The following DLG2 variants were observed in gnomAD, a reference collection of about 807,000 sequenced individuals.
DLG2 encodes disks large homolog 2.
Under a neutral mutation model 132.5 loss-of-function variants are expected in DLG2, and 45 were observed. That is an observed-to-expected ratio of 0.34 (90% CI 0.27 to 0.44). The LOEUF (loss-of-function observed/expected upper bound fraction) is 0.44. Among genes scored for constraint, DLG2 ranks in the 20% least tolerant of loss-of-function variants. The pLI is 1.00. For synonymous variants in DLG2, 424 were observed against 419.6 expected (o/e 1.01, Z -0.13); for missense variants, 1,045 against 1,196.9 (o/e 0.87, Z 1.87).
intron 19 of DLG2, among the ~76,000 whole-genome samples, chr11:83,628,090 G>A (rs1166863448): frequency 6.6e-6 from 1 of 152,126 alleles, no homozygotes; most frequent in Non-Finnish European, 1.5e-5. Context: ...ATTTGTTTGA[G>A]TTCATTGTAG....
chr11:85,306,792 T>A (rs1243417474), intron 3 of DLG2, among the ~76,000 whole-genome samples: 1 of 152,170 alleles, frequency 6.6e-6, no homozygotes, highest in Non-Finnish European at 1.5e-5. Context: ...CAGGATGGTC[T>A]CAATCTCCTG....
intron 7 of DLG2, among the ~76,000 whole-genome samples, chr11:84,330,629 T>C (rs2098454107): frequency 6.6e-6 from 1 of 152,172 alleles, no homozygotes; most frequent in Non-Finnish European, 1.5e-5. Flanking sequence ...CCTTCATTTC[T>C]CTACATCTTC....
chr11:84,101,938 T>C (rs1373883004), intron 9 of DLG2, among the ~76,000 whole-genome samples: 1 of 152,164 alleles, frequency 6.6e-6, no homozygotes, highest in Non-Finnish European at 1.5e-5. Flanking sequence ...GTCAACTTTA[T>C]TTCCAGCTTC....
intron 6 of DLG2, among the ~76,000 whole-genome samples, chr11:85,077,891 G>A (rs1444056029): frequency 6.6e-6 from 1 of 152,100 alleles, no homozygotes; most frequent in East Asian, 1.9e-4. Flanking sequence ...AAACAGGGTT[G>A]TGCTGTCTAT....
intron 6 of DLG2, among the ~76,000 whole-genome samples, chr11:85,041,292 A>G (rs1373342570): frequency 6.6e-6 from 1 of 151,964 alleles, no homozygotes; most frequent in Non-Finnish European, 1.5e-5. Flanking sequence ...TTTTATTGAC[A>G]CTGGTGAGAA....
chr11:85,526,375 A>ACT lies in DLG2; in HGVS notation c.40+72281_40+72282insAG, dbSNP rs1438377456. 5.1e-3 allele frequency among the ~76,000 whole-genome samples: 774 copies of ACT among 151,946 alleles called. 4 individuals are homozygous for ACT. The highest frequency in any genetic ancestry group is 0.017 in the African/African-American group (720 of 41,476). ...TTCTCATCAGAAAAATGCAAGCCAGAAGACAGTAGTGCAACATCTTTAAAG... is the reference window on the plus strand; with the variant it reads ...TTCTCATCAGAAAAATGCAAGCCAGACTAGACAGTAGTGCAACATCTTTAAAG... On this transcript the variant is annotated intron_variant, in intron 3 of 27. Transcript: ENST00000376104.
At chr11:84,334,150 C>G (rs1453185209) in intron 7 of DLG2, among the ~76,000 whole-genome samples, 1 of 152,132 alleles carries the variant, frequency 6.6e-6, no homozygotes, top group East Asian at 1.9e-4. Flanking sequence ...TCTCAAAAAC[C>G]TTCTTTTATA....
chr11:84,014,732 G>A (rs1176754768), intron 11 of DLG2, among the ~76,000 whole-genome samples: 3 of 152,066 alleles, frequency 2.0e-5, no homozygotes, highest in African/African-American at 7.2e-5. Context: ...CCGCTGTTAT[G>A]AAAGGCATGA....
At chr11:83,693,555 C>T (rs563286127) in intron 18 of DLG2, among the ~76,000 whole-genome samples, 1 of 152,264 alleles carries the variant, frequency 6.6e-6, no homozygotes, top group Admixed American at 6.5e-5. Context: ...GTCCACTTCC[C>T]TTTTGATAAA....
intron 6 of DLG2, among the ~76,000 whole-genome samples, chr11:84,714,571 TTC>T (rs1759833542): frequency 8.7e-6 from 1 of 115,394 alleles, no homozygotes; most frequent in African/African-American, 5.1e-5. Context: ...CTCTTTCTCT[TTC>T]TCTTTCTCTT....
At chr11:84,523,497 C>T (rs1288018514) in intron 7 of DLG2, among the ~76,000 whole-genome samples, 4 of 152,018 alleles carry the variant, frequency 2.6e-5, no homozygotes, top group African/African-American at 7.3e-5. Context: ...TTAATTTTTG[C>T]AGAGTTTGGA....
At chr11:85,008,592 A>G (rs1428715886) in intron 6 of DLG2, among the ~76,000 whole-genome samples, 1 of 152,110 alleles carries the variant, frequency 6.6e-6, no homozygotes, top group Non-Finnish European at 1.5e-5. Flanking sequence ...GTGCACAAAA[A>G]TTTTAAGTAG....
intron 6 of DLG2, among the ~76,000 whole-genome samples, chr11:84,916,867 T>A (rs2092499639): frequency 6.6e-6 from 1 of 152,208 alleles, no homozygotes; most frequent in Non-Finnish European, 1.5e-5. Context: ...GCTCAGGGCC[T>A]TTGCATGTGC....
intron 6 of DLG2, among the ~76,000 whole-genome samples, chr11:84,698,343 A>C (rs2058839740): frequency 6.6e-6 from 1 of 151,542 alleles, no homozygotes; most frequent in Non-Finnish European, 1.5e-5. Context: ...TACAAGTATT[A>C]GTTCATTTCC....
chr11:83,524,911 T>C (rs2095569186), intron 21 of DLG2, among the ~76,000 whole-genome samples: 1 of 152,210 alleles, frequency 6.6e-6, no homozygotes, highest in Non-Finnish European at 1.5e-5. Flanking sequence ...TGTGTGTGTG[T>C]GCACTGTGAA....
intron 6 of DLG2, among the ~76,000 whole-genome samples, chr11:84,656,288 A>G (rs988822079): frequency 2.6e-5 from 4 of 152,114 alleles, no homozygotes; most frequent in Non-Finnish European, 4.4e-5. Flanking sequence ...TATATCCAAC[A>G]TCTGTTCACT....
intron 4 of DLG2, among the ~76,000 whole-genome samples, chr11:85,250,323 C>T (rs1565215235): frequency 6.6e-6 from 1 of 152,140 alleles, no homozygotes; most frequent in Admixed American, 6.5e-5. Flanking sequence ...TGTCTATTTG[C>T]TATGTCACCC....
At chr11:85,288,390 A>G (rs549971021) in intron 3 of DLG2, among the ~76,000 whole-genome samples, 34 of 152,084 alleles carry the variant, frequency 2.2e-4, no homozygotes, top group Non-Finnish European at 3.7e-4. Flanking sequence ...TTAATAACAT[A>G]CGGGCTGGTA....
chr11:84,148,566 C>T (rs1048199432), intron 9 of DLG2, among the ~76,000 whole-genome samples: 1 of 152,084 alleles, frequency 6.6e-6, no homozygotes, highest in South Asian at 2.1e-4. Flanking sequence ...TTTTTTATGG[C>T]TGTGTAGTAT....
Sources: gnomAD v4.1 joint callset for allele counts (sites outside exome capture counted in the v4.1 genomes callset) on GRCh38, gnomAD v4.1.1 for gene constraint, MANE v1.5 for transcripts, NCBI Gene and HGNC (gene_info 2026-07-23, HGNC 2026-07-21) for gene names.